PALM2AKAP2: variants seen among roughly 807,000 people sequenced by gnomAD.
PALM2AKAP2 encodes PALM2-AKAP2 fusion protein.
In PALM2AKAP2, 37 loss-of-function variants were observed where a neutral mutation model predicts 71.5. The observed-to-expected ratio is 0.52, with a 90% confidence interval of 0.40 to 0.68. The LOEUF is 0.68. Ranked by LOEUF, PALM2AKAP2 falls within the 30% of genes least tolerant of loss-of-function variation. PALM2AKAP2 has a pLI of 0.00. For synonymous variants in PALM2AKAP2, 468 were observed against 478.8 expected, an observed-to-expected ratio of 0.98 and a Z score of 0.29; for missense variants, 1,224 against 1,191.8, an observed-to-expected ratio of 1.03 and a Z score of -0.40.
upstream of PALM2AKAP2, among the ~76,000 whole-genome samples, chr9:110,044,282 G>A (rs1833557722): frequency 6.7e-6 from 1 of 150,012 alleles, no homozygotes; most frequent in Admixed American, 6.6e-5. Context: ...TTTGTTTAGT[G>A]TGAGCGAGTC....
intron 1 of PALM2AKAP2, among the ~76,000 whole-genome samples, chr9:109,735,982 G>A (rs2118671578): frequency 6.6e-6 from 1 of 152,272 alleles, no homozygotes; most frequent in South Asian, 2.1e-4. Context: ...TTTCTCCCAT[G>A]GTAGTTATCT....
At chr9:109,745,487 AGTGTGT>A (rs199950779) in intron 1 of PALM2AKAP2, among the ~76,000 whole-genome samples, 3 of 146,976 alleles carry the variant, frequency 2.0e-5, no homozygotes, top group Non-Finnish European at 4.5e-5. Context: ...AGTGGCTGTC[AGTGTGT>A]GTGTGTGTGT....
chr9:109,864,918 A>G (rs887440384), intron 1 of PALM2AKAP2, among the ~76,000 whole-genome samples: 4 of 152,056 alleles, frequency 2.6e-5, no homozygotes, highest in African/African-American at 9.7e-5. Context: ...CCTCCATGGT[A>G]TAGTCCTAGC....
chr9:109,948,422 G>A (rs562817786), intron 6 of PALM2AKAP2, among the ~76,000 whole-genome samples: 1 of 152,256 alleles, frequency 6.6e-6, no homozygotes, highest in East Asian at 1.9e-4. Context: ...ATTTCAATAT[G>A]AAAATATAAT....
intron 1 of PALM2AKAP2, among the ~76,000 whole-genome samples, chr9:109,641,174 C>T (rs1827060367): frequency 6.6e-6 from 1 of 152,184 alleles, no homozygotes; most frequent in African/African-American, 2.4e-5. Flanking sequence ...CCCAAGCTTC[C>T]GCTTATCGGG....
chr9:109,990,035 G>A (rs1832446839), intron 6 of PALM2AKAP2, among the ~76,000 whole-genome samples: 1 of 148,278 alleles, frequency 6.7e-6, no homozygotes, highest in African/African-American at 2.5e-5. Flanking sequence ...CTGTTCCACT[G>A]TTTAAGTCAC....
chr9:109,643,916 T>C (rs1233080854), intron 1 of PALM2AKAP2, among the ~76,000 whole-genome samples: 2 of 152,112 alleles, frequency 1.3e-5, no homozygotes, highest in Non-Finnish European at 2.9e-5. Flanking sequence ...CGGTGAGGCC[T>C]CAGGAAGCTT....
intron 3 of PALM2AKAP2, among the ~76,000 whole-genome samples, chr9:109,894,341 A>G (rs1830152223): frequency 6.6e-6 from 1 of 152,206 alleles, no homozygotes; most frequent in Non-Finnish European, 1.5e-5. Flanking sequence ...TCCATCTCAA[A>G]AAACAAACAA....
chr9:109,742,959 A>G (rs1033557998), intron 1 of PALM2AKAP2, among the ~76,000 whole-genome samples: 1 of 152,194 alleles, frequency 6.6e-6, no homozygotes, highest in African/African-American at 2.4e-5. Context: ...TGAGGGAAGC[A>G]GAGATAGAAG....
chr9:110,026,769 C>T (rs113888527), intron 7 of PALM2AKAP2, among the ~76,000 whole-genome samples: 18 of 152,270 alleles, frequency 1.2e-4, no homozygotes, highest in Non-Finnish European at 2.4e-4. Flanking sequence ...TAAGGCCAGG[C>T]GTGGTGGCTC....
chr9:110,025,727 A>G (rs1833168158), intron 7 of PALM2AKAP2, among the ~76,000 whole-genome samples: 1 of 152,124 alleles, frequency 6.6e-6, no homozygotes, highest in African/African-American at 2.4e-5. Flanking sequence ...GATTATAACC[A>G]TCCTAGTGGG....
At chr9:110,077,455 C>G (rs1834346588) in intron 1 of PALM2AKAP2, among the ~76,000 whole-genome samples, 1 of 151,870 alleles carries the variant, frequency 6.6e-6, no homozygotes, top group Admixed American at 6.6e-5. Flanking sequence ...GATGAGAAAC[C>G]TTAGACAGAA....
At chr9:110,072,608 C>T (rs949948634) in intron 1 of PALM2AKAP2, among the ~76,000 whole-genome samples, 1 of 152,124 alleles carries the variant, frequency 6.6e-6, no homozygotes. Flanking sequence ...TGGAGTTAGG[C>T]GTAGTAATCC....
intron 2 of PALM2AKAP2, 41 bp from the exon 3 acceptor site, chr9:109,880,510 A>G (rs777352347): frequency 3.1e-6 from 5 of 1,609,380 alleles, no homozygotes; most frequent in Non-Finnish European, 4.2e-6. Context: ...GTGTGGACTG[A>G]AAAGTATCAT....
intron 3 of PALM2AKAP2, among the ~76,000 whole-genome samples, chr9:109,916,222 A>G (rs1299309520): frequency 3.3e-5 from 5 of 152,170 alleles, no homozygotes; most frequent in Non-Finnish European, 5.9e-5. Context: ...GGCTTTTGTA[A>G]GTAAGAAGGG....
intron 1 of PALM2AKAP2, among the ~76,000 whole-genome samples, chr9:109,646,112 A>G (rs1230105434): frequency 2.0e-5 from 3 of 152,210 alleles, no homozygotes; most frequent in Non-Finnish European, 4.4e-5. Context: ...CTGGATGTGT[A>G]GAACAGAGAA....
upstream of PALM2AKAP2, among the ~76,000 whole-genome samples, chr9:109,775,383 CTTCT>C (rs1829333823): frequency 6.6e-6 from 1 of 152,224 alleles, no homozygotes; most frequent in Admixed American, 6.5e-5. Flanking sequence ...TGTTTTCTGA[CTTCT>C]TTCTATCTTC....
exon 4 of PALM2AKAP2, chr9:110,168,566 A>G: frequency 6.4e-7 from 1 of 1,564,082 alleles, no homozygotes; most frequent in Non-Finnish European, 8.7e-7. Flanking sequence ...AACAACTGAA[A>G]GCATTTTAAT....
At chr9:109,766,046 G>A (rs1343503362) in intron 1 of PALM2AKAP2, among the ~76,000 whole-genome samples, 1 of 152,194 alleles carries the variant, frequency 6.6e-6, no homozygotes, top group Non-Finnish European at 1.5e-5. Flanking sequence ...GGAGAGGCAG[G>A]CAGGCTGTCT....
Sources: gnomAD v4.1 joint callset for allele counts (sites outside exome capture counted in the v4.1 genomes callset) on GRCh38, gnomAD v4.1.1 for gene constraint, MANE v1.5 for transcripts, NCBI Gene and HGNC (gene_info 2026-07-23, HGNC 2026-07-21) for gene names.